The following SPON1 variants were observed in gnomAD, a reference collection of about 807,000 sequenced individuals.
The protein encoded by SPON1 is spondin 1, also known as spondin-1.
In SPON1, 52 loss-of-function variants were observed where a neutral mutation model predicts 111.7. That is an observed-to-expected ratio of 0.47 (90% CI 0.37 to 0.59). The LOEUF is 0.59. Ranked by LOEUF, SPON1 falls within the 20% of genes least tolerant of loss-of-function variation. SPON1 has a pLI of 0.00. For missense variants in SPON1, 957 were observed against 1,068.5 expected (o/e 0.90, Z 1.46); for synonymous variants, 410 against 395.8 (o/e 1.04, Z -0.43).
chr11:14,030,670 A>G (rs1848552161), intron 2 of SPON1, among the ~76,000 whole-genome samples: 3 of 152,366 alleles, frequency 2.0e-5, no homozygotes, highest in South Asian at 2.1e-4. Context: ...ACCTAACAGC[A>G]GTCAGAATGG....
At chr11:14,223,957 G>T (rs1172008057) in intron 6 of SPON1, among the ~76,000 whole-genome samples, 1 of 152,196 alleles carries the variant, frequency 6.6e-6, no homozygotes, top group Non-Finnish European at 1.5e-5. Flanking sequence ...CAAGAGATCT[G>T]GTGGAGAATT....
At chr11:14,196,459 A>G (rs1206421603) in intron 6 of SPON1, among the ~76,000 whole-genome samples, 2 of 152,186 alleles carry the variant, frequency 1.3e-5, no homozygotes, top group Non-Finnish European at 2.9e-5. Flanking sequence ...AAAGAGGTAA[A>G]TTGTATGTTA....
chr11:14,210,214 C>G (rs1261474596), intron 6 of SPON1, among the ~76,000 whole-genome samples: 1 of 152,110 alleles, frequency 6.6e-6, no homozygotes, highest in Non-Finnish European at 1.5e-5. Flanking sequence ...TGTAGGTTGC[C>G]TGTTCACTCT....
chr11:14,159,823 T>A (rs1847889731), intron 6 of SPON1, among the ~76,000 whole-genome samples: 1 of 132,604 alleles, frequency 7.5e-6, no homozygotes, highest in African/African-American at 2.8e-5. Flanking sequence ...ATTTATGAGA[T>A]CTAAAAATCA....
chr11:14,264,895 A>G (rs1849245418), intron 15 of SPON1, among the ~76,000 whole-genome samples: 1 of 152,164 alleles, frequency 6.6e-6, no homozygotes, highest in Admixed American at 6.5e-5. Context: ...AGCATTTGGG[A>G]GCCAAGTACT....
In SPON1 at chr11:14,196,257, C is replaced by T. The variant is rs114878577; in HGVS notation, c.826-47075C>T. 3.0e-3 allele frequency among the ~76,000 whole-genome samples: 454 copies of T among 152,198 alleles called. 3 individuals are homozygous for T. Among genetic ancestry groups the T allele is most frequent in the African/African-American group, 0.01 (434 of 41,526 alleles). On this transcript the variant is annotated intron_variant, in intron 6 of 15. Transcript: ENST00000576479. Reference sequence around the variant, plus strand: ...TATAGAACAGGTGCATGGAAACGTCCAGCATAGAGAAATCTACAGAAACAG... The same window carrying T: ...TATAGAACAGGTGCATGGAAACGTCTAGCATAGAGAAATCTACAGAAACAG...
intron 6 of SPON1, among the ~76,000 whole-genome samples, chr11:14,149,697 T>C (rs1457721101): frequency 6.6e-6 from 1 of 152,184 alleles, no homozygotes; most frequent in Non-Finnish European, 1.5e-5. Context: ...TGTTTAAATA[T>C]ACAAATACTT....
intron 2 of SPON1, among the ~76,000 whole-genome samples, chr11:13,991,886 G>A (rs1319463020): frequency 6.6e-6 from 1 of 152,156 alleles, no homozygotes; most frequent in Non-Finnish European, 1.5e-5. Context: ...TATCACCAGT[G>A]GAGACTGCAG....
intron 14 of SPON1, among the ~76,000 whole-genome samples, chr11:14,261,168 T>C (rs929503655): frequency 1.3e-5 from 2 of 152,184 alleles, no homozygotes; most frequent in Non-Finnish European, 1.5e-5. Flanking sequence ...CAATGACTCC[T>C]GCAGACTGGT....
At chr11:14,208,594 G>A (rs545244901) in intron 6 of SPON1, among the ~76,000 whole-genome samples, 2 of 152,270 alleles carry the variant, frequency 1.3e-5, no homozygotes, top group South Asian at 4.1e-4. Flanking sequence ...AAGATCTCAT[G>A]CAATCTTCAT....
chr11:14,262,419 G>T, intron 14 of SPON1: 1 of 450,084 alleles, frequency 2.2e-6, no homozygotes, highest in South Asian at 2.5e-5. Context: ...CTAGTTCACA[G>T]AGCAGGGCAA....
chr11:13,980,587 C>T (rs544029461), intron 1 of SPON1, among the ~76,000 whole-genome samples: 1 of 151,850 alleles, frequency 6.6e-6, no homozygotes, highest in Non-Finnish European at 1.5e-5. Flanking sequence ...TACATGTGCA[C>T]AACGTGCAGG....
At chr11:13,997,054 A>G (rs1472929804) in intron 2 of SPON1, among the ~76,000 whole-genome samples, 1 of 152,138 alleles carries the variant, frequency 6.6e-6, no homozygotes, top group Non-Finnish European at 1.5e-5. Context: ...ATGCATCTGT[A>G]TTTGCTTATG....
rs1554941159 is a variant in SPON1, at chr11:14,255,802, C to A, written c.1233+15C>A. ...TCGCACGGAAGGTACTGGGTTAGAA[C>A]CCACTCTGGCATCGACCTTTCCCGG... On this transcript the variant is annotated intron_variant, in intron 9 of 15. Transcript: ENST00000576479. 1 of 1,611,772 alleles carries A rather than the reference C, an allele frequency of 6.2e-7. No individual in the cohort carries two copies.
intron 6 of SPON1, among the ~76,000 whole-genome samples, chr11:14,210,500 G>A (rs1252498261): frequency 6.6e-6 from 1 of 151,786 alleles, no homozygotes; most frequent in Admixed American, 6.6e-5. Context: ...CCGGGTTCAA[G>A]CGATTCTCCT....
At chr11:14,226,034 T>TA (rs1554938105) in intron 6 of SPON1, among the ~76,000 whole-genome samples, 1 of 152,226 alleles carries the variant, frequency 6.6e-6, no homozygotes, top group African/African-American at 2.4e-5. Flanking sequence ...CCAGTAATGA[T>TA]AAATAGTGCA....
rs1554939882 is a variant in SPON1 at position 14,243,354 on chromosome 11, T to G, written c.848T>G (p.Ile283Ser). Residue 283 changes from isoleucine (I) to serine (S), a missense_variant, in exon 7 of 16, where the codon ATC (isoleucine) becomes AGC (serine). Ile to Ser is a moderately radical substitution (Grantham distance 142). Coordinates refer to ENST00000576479, the MANE Select transcript of SPON1 (RefSeq NM_006108.4). ...CAGAGTGATGAGGTCCTCACCGTCA[T>G]CAAAGCCAAAGCCCAATGGCCAGCC... ...RQQSDEVLTV[I>S]KAKAQWPAWQ... The G allele has an allele frequency of 1.3e-6, 2 of 1,585,392 alleles. No homozygotes were observed. Among genetic ancestry groups the G allele is most frequent in the Non-Finnish European group, 1.7e-6 (2 of 1,165,260 alleles).
chr11:14,259,820 G>A lies in SPON1; in HGVS notation c.1831+119G>A. 3 of 1,168,936 alleles carry A rather than the reference G, an allele frequency of 2.6e-6. 1 individual carries two copies. The South Asian group carries it at 4.7e-5, about 18-fold the overall frequency. The allele number at this position is 1,168,936 out of a possible 1,614,324, so 72.4% of individuals were successfully genotyped here. On this transcript the variant is annotated intron_variant, in intron 13 of 15. Coordinates refer to ENST00000576479, the MANE Select transcript of SPON1 (RefSeq NM_006108.4). This position sits in a 1 kb window ranked among gnomAD's most constrained non-coding sequence, Gnocchi z 5.0. ...TGAGCAGAGGAAAGCATGGCCCATGGTCCTTGCTGGGCACTGCTGGGAGCC... is the reference window on the plus strand; with the variant it reads ...TGAGCAGAGGAAAGCATGGCCCATGATCCTTGCTGGGCACTGCTGGGAGCC...
intron 4 of SPON1, among the ~76,000 whole-genome samples, chr11:14,077,514 C>T (rs1354694194): frequency 2.0e-5 from 3 of 151,842 alleles, no homozygotes; most frequent in African/African-American, 7.3e-5. Context: ...CTCACTGCAA[C>T]CTCCAACCCC....
Sources: gnomAD v4.1 joint callset for allele counts (sites outside exome capture counted in the v4.1 genomes callset) on GRCh38, gnomAD v4.1.1 for gene constraint, Gnocchi (gnomAD v3.1) non-coding constraint, MANE v1.5 for transcripts, NCBI Gene and HGNC (gene_info 2026-07-23, HGNC 2026-07-21) for gene names.